ZNF830: variants seen among roughly 807,000 people sequenced by gnomAD.
ZNF830 encodes coiled-coil domain containing 16.
In ZNF830, 15 loss-of-function variants were observed where a neutral mutation model predicts 28.1. The ratio of observed to expected loss-of-function variants is 0.53; its 90% confidence interval spans 0.36 to 0.82. ZNF830 has a LOEUF of 0.82. ZNF830 is among the 40% of genes least tolerant of loss of function. ZNF830 has a pLI of 0.01. For synonymous variants in ZNF830, 208 were observed against 185.3 expected, an observed-to-expected ratio of 1.12 and a Z score of -0.99; for missense variants, 456 against 467.7, an observed-to-expected ratio of 0.97 and a Z score of 0.23.
In ZNF830 at chr17:34,962,814, A is replaced by G; in HGVS notation, c.*129A>G. Reference sequence around the variant, plus strand: ...GATTGCTAAACTGGATTGTTGAGATAAAATGAGCCAGTGAGCTACAGCACT... The same window carrying G: ...GATTGCTAAACTGGATTGTTGAGATGAAATGAGCCAGTGAGCTACAGCACT... On this transcript the variant is annotated 3_prime_UTR_variant, in exon 1 of 1. Transcript: ENST00000361952. 1.4e-6 allele frequency: 2 copies of G among 1,432,060 alleles called. No homozygotes were observed. The highest frequency in any genetic ancestry group is 5.5e-5 in the Admixed American group (2 of 36,200). The allele number at this position is 1,432,060 out of a possible 1,614,324, so 88.7% of individuals were successfully genotyped here. A position where few individuals can be genotyped will look rare whatever the true frequency, so the allele number is the denominator to read the frequency against.
Position 34,961,997 on chromosome 17 carries a change from G to C in ZNF830, c.431G>C (p.Arg144Thr). 6.2e-7 allele frequency: 1 copy of C among 1,614,174 alleles called. No homozygotes were observed. Among genetic ancestry groups the C allele is most frequent in the Non-Finnish European group, 8.5e-7 (1 of 1,180,026 alleles). ...NFDKIGKEFI[R>T]ATPSKPSGLS... ...GACAAAATAGGAAAGGAGTTCATTA[G>C]AGCGACTCCCAGTAAGCCTTCAGGA... The change falls in exon 1 of 1, where the codon AGA becomes ACA. Residue 144 changes from arginine to threonine, a missense_variant. Arg to Thr is a moderately conservative substitution (Grantham distance 71, BLOSUM62 -1). Transcript: ENST00000361952.
Position 34,962,352 on chromosome 17 carries a change from G to C in ZNF830, c.786G>C (p.Lys262Asn). Reference protein sequence around the residue: ...DDPEVDARVRKVDAPKDQMDK... With the variant: ...DDPEVDARVRNVDAPKDQMDK... ...CTGAGGTAGATGCAAGAGTACGAAAGGTTGATGCTCCAAAAGATCAGATGG... is the reference window on the plus strand; with the variant it reads ...CTGAGGTAGATGCAAGAGTACGAAACGTTGATGCTCCAAAAGATCAGATGG... Residue 262 changes from lysine to asparagine, a missense_variant, in exon 1 of 1, where the codon AAG becomes AAC. This residue lies in a region of ZNF830 where 125 missense variants were observed against 177.7 expected (regional missense o/e 0.70). Coordinates refer to ENST00000361952, the MANE Select transcript of ZNF830 (RefSeq NM_052857.4). 1 of 1,614,146 alleles carries C rather than the reference G, an allele frequency of 6.2e-7. No homozygotes were observed. The highest frequency in any genetic ancestry group is 8.5e-7 in the Non-Finnish European group (1 of 1,180,040).
chr17:34,961,617 T>C lies in ZNF830; in HGVS notation c.51T>C (p.Asn17=), dbSNP rs1358829812. Residue 17 remains asparagine, a synonymous_variant, in exon 1 of 1, where the codon AAT becomes AAC. Transcript: ENST00000361952. ...CTCCGGCAGGGAAGCGAGTGATAAA[T>C]CAGGAAGAATTGCGGCGGTTAATGA... is the stretch of plus-strand genomic sequence containing the variant. ...ARTPAGKRVI[N]QEELRRLMKE... is the part of the protein sequence containing the mutation. 10 of 1,614,000 alleles carry C rather than the reference T, an allele frequency of 6.2e-6. No individual in the cohort carries two copies. Among genetic ancestry groups the C allele is most frequent in the East Asian group, 2.2e-5 (1 of 44,868 alleles).
rs745664512 is a variant in ZNF830 at position 34,962,279 on chromosome 17, G to A, written c.713G>A (p.Arg238Lys). The change falls in exon 1 of 1, where the codon AGG becomes AAG. Residue 238 changes from arginine (R) to lysine (K), a missense_variant. By Grantham distance (26) the Arg-to-Lys change is conservative. Coordinates refer to ENST00000361952, the MANE Select transcript of ZNF830 (RefSeq NM_052857.4). ...KAEIHEKVVE[R>K]RENTAEALPE... Reference sequence around the variant, plus strand: ...GAAATACATGAAAAAGTGGTGGAAAGGAGAGAAAACACCGCGGAAGCGTTA... The same window carrying A: ...GAAATACATGAAAAAGTGGTGGAAAAGAGAGAAAACACCGCGGAAGCGTTA... The A allele has an allele frequency of 5.6e-6, 9 of 1,613,886 alleles. No individual in the cohort carries two copies. The South Asian group carries it at 8.8e-5, about 16-fold the overall frequency.
chr17:34,962,813 T>G lies in ZNF830; in HGVS notation c.*128T>G. The G allele has an allele frequency of 7.0e-7, 1 of 1,435,688 alleles. No homozygotes were observed. Among genetic ancestry groups the G allele is most frequent in the Non-Finnish European group, 9.2e-7 (1 of 1,090,934 alleles). The allele number at this position is 1,435,688 out of a possible 1,614,324, so 88.9% of individuals were successfully genotyped here. On this transcript the variant is annotated 3_prime_UTR_variant, in exon 1 of 1. Transcript: ENST00000361952. ...GGATTGCTAAACTGGATTGTTGAGA[T>G]AAAATGAGCCAGTGAGCTACAGCAC...
At position 34,962,213 on chromosome 17, in the gene ZNF830, A is replaced by G. The variant is rs998886218; in HGVS notation, c.647A>G (p.Lys216Arg). 2.5e-5 allele frequency: 40 copies of G among 1,613,862 alleles called. No individual in the cohort carries two copies. Among genetic ancestry groups the G allele is most frequent in the Non-Finnish European group, 3.1e-5 (37 of 1,180,048 alleles). ...GATTTCTTTAGTACTAATCCTCCCA[A>G]GGCCCCCATAATTCCTCATTCAGGG... ...PNDFFSTNPPKAPIIPHSGSI... is the reference protein window; with the variant it reads ...PNDFFSTNPPRAPIIPHSGSI... The change falls in exon 1 of 1, where the codon AAG (lysine) becomes AGG (arginine). Residue 216 changes from lysine (K) to arginine (R), a missense_variant. By Grantham distance (26) the Lys-to-Arg change is conservative. Around this residue, in one of 2 missense-constraint regions of ZNF830, gnomAD observed 331 missense variants for 290.1 expected, o/e 1.14. Coordinates refer to ENST00000361952, the MANE Select transcript of ZNF830 (RefSeq NM_052857.4).
rs766170367 is a variant in ZNF830 at position 34,962,053 on chromosome 17, G to A, written c.487G>A (p.Glu163Lys). 17 of 1,611,764 alleles carry A rather than the reference G, an allele frequency of 1.1e-5. No individual in the cohort carries two copies. Among genetic ancestry groups the A allele is most frequent in the African/African-American group, 1.4e-5 (1 of 73,286 alleles). ...LSLLPDYEDEEEEEEEEEGDG... is the reference protein window; with the variant it reads ...LSLLPDYEDEKEEEEEEEGDG... ...TTTACTCCCCGATTATGAAGATGAG[G>A]AGGAGGAGGAAGAGGAGGAGGAAGG... Residue 163 changes from glutamate (E) to lysine (K), a missense_variant, in exon 1 of 1, where the codon GAG (glutamate) becomes AAG (lysine). Transcript: ENST00000361952.
Position 34,962,322 on chromosome 17 carries a change from C to G in ZNF830, c.756C>G (p.Asp252Glu). Residue 252 changes from aspartate to glutamate, a missense_variant, in exon 1 of 1, where the codon GAC becomes GAG. Coordinates refer to ENST00000361952, the MANE Select transcript of ZNF830 (RefSeq NM_052857.4). ...TAEALPEGFF[D>E]DPEVDARVRK... ...AAGCGTTACCGGAAGGTTTTTTTGA[C>G]GACCCTGAGGTAGATGCAAGAGTAC... 3 of 1,613,952 alleles carry G rather than the reference C, an allele frequency of 1.9e-6. No homozygotes were observed. The highest frequency in any genetic ancestry group is 2.5e-6 in the Non-Finnish European group (3 of 1,180,030).
At position 34,962,517 on chromosome 17, in the gene ZNF830, G is replaced by A. The variant is rs1330948931; in HGVS notation, c.951G>A (p.Arg317=). The change falls in exon 1 of 1, where the codon CGG becomes CGA. Residue 317 remains arginine, a synonymous_variant. Coordinates refer to ENST00000361952, the MANE Select transcript of ZNF830 (RefSeq NM_052857.4). The part of the protein sequence containing the change: ...EIDEQIECYR[R]VEKLRNRQDE... The stretch of plus-strand genomic sequence containing the variant: ...ATGAGCAGATAGAGTGTTACCGACG[G>A]GTGGAAAAGCTACGGAATCGCCAGG... 3 of 1,613,862 alleles carry A rather than the reference G, an allele frequency of 1.9e-6. No homozygotes were observed. Among genetic ancestry groups the A allele is most frequent in the Middle Eastern group, 1.6e-4 (1 of 6,084 alleles).
Position 34,962,788 on chromosome 17 carries a change from G to A in ZNF830, c.*103G>A. ...TTCATGCCTCAAGATTTGGGTACCT[G>A]GATTGCTAAACTGGATTGTTGAGAT... is the stretch of plus-strand genomic sequence containing the variant. On this transcript the variant is annotated 3_prime_UTR_variant, in exon 1 of 1. Coordinates refer to ENST00000361952, the MANE Select transcript of ZNF830 (RefSeq NM_052857.4). The A allele has an allele frequency of 6.1e-6, 9 of 1,476,242 alleles. No homozygotes were observed. The highest frequency in any genetic ancestry group is 7.2e-6 in the Non-Finnish European group (8 of 1,115,972). 91.4% of individuals were successfully genotyped at this position (1,476,242 alleles called of 1,614,324 possible). A position where few individuals can be genotyped will look rare whatever the true frequency, so the allele number is the denominator to read the frequency against.
Position 34,961,540 on chromosome 17 carries a change from A to G in ZNF830, c.-27A>G, listed in dbSNP as rs1466797553. The G allele has an allele frequency of 4.4e-6, 7 of 1,607,320 alleles. No homozygotes were observed. Among genetic ancestry groups the G allele is most frequent in the Admixed American group, 3.4e-5 (2 of 59,554 alleles). Reference sequence around the variant, plus strand: ...TATCATGCCTCGCCCGACGGAAACCAGAATCGTTTTGGGTCTGGTCGCCAA... The same window carrying G: ...TATCATGCCTCGCCCGACGGAAACCGGAATCGTTTTGGGTCTGGTCGCCAA... On this transcript the variant is annotated 5_prime_UTR_variant, in exon 1 of 1. Coordinates refer to ENST00000361952, the MANE Select transcript of ZNF830 (RefSeq NM_052857.4).
Position 34,961,790 on chromosome 17 carries a change from A to G in ZNF830, c.224A>G (p.His75Arg). 1 of 1,614,056 alleles carries G rather than the reference A, an allele frequency of 6.2e-7. No individual in the cohort carries two copies. Among genetic ancestry groups the G allele is most frequent in the Non-Finnish European group, 8.5e-7 (1 of 1,180,024 alleles). Residue 75 changes from histidine to arginine, a missense_variant, in exon 1 of 1, where the codon CAC (histidine) becomes CGC (arginine). By Grantham distance (29) the His-to-Arg change is conservative. Coordinates refer to ENST00000361952, the MANE Select transcript of ZNF830 (RefSeq NM_052857.4). ...LWQTHVLGKQ[H>R]REKVAELKGA... is the part of the protein sequence containing the mutation. ...CAGACTCACGTCCTGGGAAAGCAGC[A>G]CCGAGAGAAAGTGGCCGAGCTGAAA...
In ZNF830 at chr17:34,961,989, G is replaced by A. The variant is rs1567677014; in HGVS notation, c.423G>A (p.Glu141=). 1.9e-6 allele frequency: 3 copies of A among 1,614,032 alleles called. No homozygotes were observed. The highest frequency in any genetic ancestry group is 3.3e-5 in the Admixed American group (2 of 60,000). The change falls in exon 1 of 1, where the codon GAG becomes GAA. Residue 141 remains glutamate, a synonymous_variant. Transcript: ENST00000361952. ...WTTNFDKIGK[E]FIRATPSKPS... ...CCAACTTTGACAAAATAGGAAAGGA[G>A]TTCATTAGAGCGACTCCCAGTAAGC...
At position 34,961,602 on chromosome 17, in the gene ZNF830, G is replaced by T. The variant is rs1483348820; in HGVS notation, c.36G>T (p.Gly12=). ...ASSASARTPA[G]KRVINQEELR... ...CCGCCTCCGCCCGGACTCCGGCAGGGAAGCGAGTGATAAATCAGGAAGAAT... is the reference window on the plus strand; with the variant it reads ...CCGCCTCCGCCCGGACTCCGGCAGGTAAGCGAGTGATAAATCAGGAAGAAT... The change falls in exon 1 of 1, where the codon GGG becomes GGT. Residue 12 remains glycine, a synonymous_variant. Transcript: ENST00000361952. 1 of 1,614,150 alleles carries T rather than the reference G, an allele frequency of 6.2e-7. No individual in the cohort carries two copies. The highest frequency in any genetic ancestry group is 1.1e-5 in the South Asian group (1 of 91,084).
chr17:34,962,176 G>A lies in ZNF830; in HGVS notation c.610G>A (p.Val204Met). 6.2e-7 allele frequency: 1 copy of A among 1,614,140 alleles called. No homozygotes were observed. The highest frequency in any genetic ancestry group is 8.5e-7 in the Non-Finnish European group (1 of 1,180,046). Residue 204 changes from valine to methionine, a missense_variant, in exon 1 of 1, where the codon GTG becomes ATG. By Grantham distance (21) the Val-to-Met change is conservative. Around this residue, in one of 2 missense-constraint regions of ZNF830, gnomAD observed 331 missense variants for 290.1 expected, o/e 1.14. Transcript: ENST00000361952. Reference protein sequence around the residue: ...VSSSREVTSSVLPNDFFSTNP... With the variant: ...VSSSREVTSSMLPNDFFSTNP... ...CTCTTCACGGGAGGTAACAAGTAGTGTGCTGCCAAACGATTTCTTTAGTAC... is the reference window on the plus strand; with the variant it reads ...CTCTTCACGGGAGGTAACAAGTAGTATGCTGCCAAACGATTTCTTTAGTAC...
In ZNF830 at chr17:34,961,896, C is replaced by T. The variant is rs1249646645; in HGVS notation, c.330C>T (p.Asp110=). The change falls in exon 1 of 1, where the codon GAC becomes GAT. Residue 110 remains aspartate, a synonymous_variant. Coordinates refer to ENST00000361952, the MANE Select transcript of ZNF830 (RefSeq NM_052857.4). ...AGAGGAAAGCGCCGGACGCAGACGACCAAGATGTCAAGAGAGCGAAGGCCA... is the reference window on the plus strand; with the variant it reads ...AGAGGAAAGCGCCGGACGCAGACGATCAAGATGTCAAGAGAGCGAAGGCCA... ...SVKRKAPDAD[D]QDVKRAKATL... 1 of 1,614,148 alleles carries T rather than the reference C, an allele frequency of 6.2e-7. No homozygotes were observed. The highest frequency in any genetic ancestry group is 1.3e-5 in the African/African-American group (1 of 75,036).
Position 34,962,785 on chromosome 17 carries a change from CCTGGATTGCTAAA to C in ZNF830, c.*109_*121del. On this transcript the variant is annotated 3_prime_UTR_variant, in exon 1 of 1. Transcript: ENST00000361952. Reference sequence around the variant, plus strand: ...TACTTCATGCCTCAAGATTTGGGTACCTGGATTGCTAAACTGGATTGTTGAGATAAAATGAGCC... The same window carrying C: ...TACTTCATGCCTCAAGATTTGGGTACCTGGATTGTTGAGATAAAATGAGCC... The C allele has an allele frequency of 6.8e-7, 1 of 1,475,396 alleles. No homozygotes were observed. Among genetic ancestry groups the C allele is most frequent in the Non-Finnish European group, 9.0e-7 (1 of 1,115,564 alleles). 91.4% of individuals were successfully genotyped at this position (1,475,396 alleles called of 1,614,324 possible).
rs995649970 is a variant in ZNF830, at chr17:34,963,186, A to G, written c.*501A>G. On this transcript the variant is annotated 3_prime_UTR_variant, in exon 1 of 1. Transcript: ENST00000361952. Reference sequence around the variant, plus strand: ...TAAACACATAAGTCATTGTAGGTTAATCAGTTCTCTTAGTGTGCTTTATTT... The same window carrying G: ...TAAACACATAAGTCATTGTAGGTTAGTCAGTTCTCTTAGTGTGCTTTATTT... 1 of 167,258 alleles carries G rather than the reference A, an allele frequency of 6.0e-6. No individual in the cohort carries two copies. The highest frequency in any genetic ancestry group is 1.5e-5 in the Non-Finnish European group (1 of 68,466). The allele number at this position is 167,258 out of a possible 1,614,324, so 10.4% of individuals were successfully genotyped here. A position where few individuals can be genotyped will look rare whatever the true frequency, so the allele number is the denominator to read the frequency against.
rs1265391711 is a variant in ZNF830, at chr17:34,962,634, A to G, written c.1068A>G (p.Glu356=). 3 of 1,611,796 alleles carry G rather than the reference A, an allele frequency of 1.9e-6. No individual in the cohort carries two copies. The highest frequency in any genetic ancestry group is 2.2e-5 in the South Asian group (2 of 90,796). ...ATGCTGACAGCGATGATGAGGGGGA[A>G]CTACAGGATTTGTTGTCTCAGGATT... ...EENADSDDEG[E]LQDLLSQDWR... The change falls in exon 1 of 1, where the codon GAA becomes GAG. Residue 356 remains glutamate, a synonymous_variant. Transcript: ENST00000361952.
Sources: gnomAD v4.1 joint callset for allele counts on GRCh38, gnomAD v4.1.1 for gene constraint, gnomAD v4.1.1 regional missense constraint, MANE v1.5 for transcripts, NCBI Gene and HGNC (gene_info 2026-07-23, HGNC 2026-07-21) for gene names.